ACBD3: variants seen among roughly 807,000 people sequenced by gnomAD.
ACBD3 encodes the protein acyl-CoA binding domain containing 3.
A neutral mutation model predicts 66.9 loss-of-function variants in ACBD3; 30 were observed. That is an observed-to-expected ratio of 0.45 (90% CI 0.34 to 0.61). The LOEUF (loss-of-function observed/expected upper bound fraction) is 0.61. Among genes scored for constraint, ACBD3 ranks in the 20% least tolerant of loss-of-function variants. The pLI is 0.02. For missense variants in ACBD3, 544 were observed against 664.5 expected (o/e 0.82, Z 1.99); for synonymous variants, 278 against 259.8 (o/e 1.07, Z -0.68).
intron 6 of ACBD3, among the ~76,000 whole-genome samples, chr1:226,152,912 T>C (rs1659605456): frequency 6.6e-6 from 1 of 152,216 alleles, no homozygotes. Context: ...GATTCAAGAA[T>C]GACCTTGGGA....
At chr1:226,165,640 G>A (rs1198512192) in intron 2 of ACBD3, among the ~76,000 whole-genome samples, 5 of 151,986 alleles carry the variant, frequency 3.3e-5, no homozygotes, top group Non-Finnish European at 7.4e-5. Context: ...CTTGTCTTAT[G>A]TTCATAAGCA....
At chr1:226,161,474 T>G in intron 4 of ACBD3, 57 bp downstream of exon 4, 2 of 1,601,936 alleles carry the variant, frequency 1.2e-6, no homozygotes, top group Non-Finnish European at 1.7e-6. Context: ...TTTCTTATTT[T>G]TATTCTATTT....
chr1:226,158,247 G>A (rs1659710617), intron 5 of ACBD3, among the ~76,000 whole-genome samples: 1 of 152,212 alleles, frequency 6.6e-6, no homozygotes, highest in East Asian at 1.9e-4. Flanking sequence ...AGTAAGAAAT[G>A]CTGAGCAACT....
At chr1:226,172,796 C>T (rs563199950) in intron 1 of ACBD3, among the ~76,000 whole-genome samples, 1 of 152,156 alleles carries the variant, frequency 6.6e-6, no homozygotes, top group South Asian at 2.1e-4. Flanking sequence ...AACTAAAAAA[C>T]AGCTGGGTGT....
At chr1:226,150,920 T>G (rs903745578) in intron 7 of ACBD3, among the ~76,000 whole-genome samples, 2 of 152,260 alleles carry the variant, frequency 1.3e-5, no homozygotes, top group African/African-American at 4.8e-5. Context: ...TCTGGGATAC[T>G]CTGATGGTTC....
chr1:226,180,172 CAA>C (rs75428761), intron 1 of ACBD3, among the ~76,000 whole-genome samples: 31 of 58,194 alleles, frequency 5.3e-4, no homozygotes, highest in African/African-American at 7.3e-4. Context: ...CTCTGTCTCC[CAA>C]AAAAAAAAAA....
Position 226,159,355 on chromosome 1 carries a change from C to T in ACBD3, c.732G>A (p.Gln244=). The change falls in exon 5 of 8, where the codon CAG becomes CAA. Residue 244 remains glutamine, a synonymous_variant. Transcript: ENST00000366812. The stretch of plus-strand genomic sequence containing the variant: ...GGGAGTTTAAAGCTGCCATTATCTG[C>T]TGCCTAAAAACATTAAAAATATATA... ...EERLRLEQQK[Q]QIMAALNSQT... The T allele has an allele frequency of 3.1e-6, 5 of 1,614,016 alleles. No individual in the cohort carries two copies. The highest frequency in any genetic ancestry group is 4.2e-6 in the Non-Finnish European group (5 of 1,179,930).
intron 1 of ACBD3, among the ~76,000 whole-genome samples, chr1:226,184,034 A>T (rs1656236414): frequency 6.6e-6 from 1 of 151,896 alleles, no homozygotes; most frequent in Non-Finnish European, 1.5e-5. Flanking sequence ...TACGAAAAAT[A>T]CAAAAAATTA....
chr1:226,186,497 G>A lies in ACBD3; in HGVS notation c.179C>T (p.Pro60Leu). Reference sequence around the variant, plus strand: ...CGCGCCCCCAGCCGCCGCCTCCCCGGGCTCGGGCTGCTCCCCTGAGGCGCC... The same window carrying A: ...CGCGCCCCCAGCCGCCGCCTCCCCGAGCTCGGGCTGCTCCCCTGAGGCGCC... The part of the protein sequence containing the change: ...GPGASGEQPE[P>L]GEAAAGGAAE... Residue 60 changes from proline to leucine, a missense_variant, in exon 1 of 8, where the codon CCC becomes CTC. Transcript: ENST00000366812. 6.8e-7 allele frequency: 1 copy of A among 1,480,362 alleles called. No individual in the cohort carries two copies. Among genetic ancestry groups the A allele is most frequent in the African/African-American group, 1.5e-5 (1 of 68,226 alleles). The allele number at this position is 1,480,362 out of a possible 1,614,324, so 91.7% of individuals were successfully genotyped here.
At chr1:226,174,380 C>T (rs1349868524) in intron 1 of ACBD3, among the ~76,000 whole-genome samples, 3 of 152,140 alleles carry the variant, frequency 2.0e-5, no homozygotes, top group Non-Finnish European at 4.4e-5. Flanking sequence ...TGCAGATAAA[C>T]CTCTAATTAA....
At position 226,164,881 on chromosome 1, in the gene ACBD3, C is replaced by T; in HGVS notation, c.477G>A (p.Val159=). The stretch of plus-strand genomic sequence containing the variant: ...ACCTATTTAAGAGCTTGACAAACTC[C>T]ACCATGGCATCCTCTTTAGACATGT... ...LGNMSKEDAM[V]EFVKLLNRCC... is the part of the protein sequence containing the mutation. Residue 159 remains valine, a synonymous_variant, in exon 3 of 8, where the codon GTG becomes GTA. Transcript: ENST00000366812. 1 of 1,609,210 alleles carries T rather than the reference C, an allele frequency of 6.2e-7. No homozygotes were observed. Among genetic ancestry groups the T allele is most frequent in the Non-Finnish European group, 8.5e-7 (1 of 1,177,718 alleles).
At chr1:226,176,155 T>C (rs892779088) in intron 1 of ACBD3, among the ~76,000 whole-genome samples, 1 of 151,992 alleles carries the variant, frequency 6.6e-6, no homozygotes. Context: ...CGGCTGGGCG[T>C]GGTGGCTCAC....
chr1:226,169,641 A>G (rs9725134), intron 1 of ACBD3, among the ~76,000 whole-genome samples: 23,218 of 130,304 alleles, frequency 0.18, 2,598 homozygotes, highest in Admixed American at 0.32. Flanking sequence ...CGATCTCCTG[A>G]CCTCGTGATC....
At chr1:226,162,992 G>T (rs1331317640) in intron 3 of ACBD3, among the ~76,000 whole-genome samples, 3 of 151,826 alleles carry the variant, frequency 2.0e-5, no homozygotes, top group Non-Finnish European at 4.4e-5. Context: ...GTAGAGATGG[G>T]GTTTTGCCAC....
At chr1:226,162,225 T>C (rs1659786469) in intron 3 of ACBD3, among the ~76,000 whole-genome samples, 1 of 149,148 alleles carries the variant, frequency 6.7e-6, no homozygotes, top group African/African-American at 2.5e-5. Flanking sequence ...AGGATAGAAA[T>C]ACATTGCCTA....
At position 226,165,875 on chromosome 1, in the gene ACBD3, A is replaced by G. The variant is rs774408681; in HGVS notation, c.412T>C (p.Leu138=). 59 of 1,609,524 alleles carry G rather than the reference A, an allele frequency of 3.7e-5. No homozygotes were observed. In the South Asian group the frequency reaches 5.7e-4, roughly 16 times the overall value. The change falls in exon 2 of 8, where the codon TTG becomes CTG. Residue 138 remains leucine (L), a synonymous_variant. Coordinates refer to ENST00000366812, the MANE Select transcript of ACBD3 (RefSeq NM_022735.4). Reference sequence around the variant, plus strand: ...CACTGTTACCTCCTGTCATTCCCCAACACATCAAAGAATCCAACCTCAGGA... The same window carrying G: ...CACTGTTACCTCCTGTCATTCCCCAGCACATCAAAGAATCCAACCTCAGGA... ...TCPEVGFFDV[L]GNDRRREWAA... is the part of the protein sequence containing the mutation.
chr1:226,184,171 C>T (rs559842501), intron 1 of ACBD3, among the ~76,000 whole-genome samples: 9 of 152,154 alleles, frequency 5.9e-5, no homozygotes, highest in Middle Eastern at 3.4e-3. Context: ...CCAGCCTGGG[C>T]GACAGAGTGA....
In ACBD3 at chr1:226,186,707, G is replaced by T. The variant is rs1235926332; in HGVS notation, c.-32C>A. On this transcript the variant is annotated 5_prime_UTR_variant, in exon 1 of 8. It adds an upstream start codon to the 5' untranslated region. Coordinates refer to ENST00000366812, the MANE Select transcript of ACBD3 (RefSeq NM_022735.4). ...CTGCTGCACCTCCTCAGCGGGGACA[G>T]ACGGCAGCCACGTATCGACTTCCTG... 1 of 1,453,090 alleles carries T rather than the reference G, an allele frequency of 6.9e-7. No individual in the cohort carries two copies. The highest frequency in any genetic ancestry group is 1.5e-5 in the African/African-American group (1 of 68,186). 90.0% of individuals were successfully genotyped at this position (1,453,090 alleles called of 1,614,324 possible). A position where few individuals can be genotyped will look rare whatever the true frequency, so the allele number is the denominator to read the frequency against.
At position 226,144,990 on chromosome 1, in the gene ACBD3, A is replaced by AT. The variant is rs987614548; in HGVS notation, c.*1619dup. The AT allele has an allele frequency of 5.3e-4, 78 of 147,514 alleles. No individual in the cohort carries two copies. Among genetic ancestry groups the AT allele is most frequent in the African/African-American group, 1.7e-3 (68 of 40,726 alleles). The allele number at this position is 147,514 out of a possible 1,614,324, so 9.1% of individuals were successfully genotyped here. ...ACATTTTAAATACAGTATTTTTCTC[A>AT]TAAAAAAAAAATCCAGGAAGTGCCT... On this transcript the variant is annotated 3_prime_UTR_variant, in exon 8 of 8. Coordinates refer to ENST00000366812, the MANE Select transcript of ACBD3 (RefSeq NM_022735.4).
Sources: allele counts gnomAD v4.1 joint callset (sites outside exome capture counted in the v4.1 genomes callset), GRCh38; gene constraint gnomAD v4.1.1; transcripts MANE v1.5; gene names NCBI Gene and HGNC (gene_info 2026-07-23, HGNC 2026-07-21).